Variants in SUCLG1 observed in about 807,000 individuals in gnomAD.
SUCLG1 encodes the protein succinate--CoA ligase [ADP/GDP-forming] subunit alpha, mitochondrial.
A neutral mutation model predicts 37.3 loss-of-function variants in SUCLG1; 26 were observed. The observed-to-expected ratio is 0.70, with a 90% CI of 0.51 to 0.97. The LOEUF is 0.97. Among genes scored for constraint, SUCLG1 ranks in the 50% least tolerant of loss-of-function variants. SUCLG1 has a pLI of 0.00. For missense variants in SUCLG1, 433 were observed against 432.9 expected, an observed-to-expected ratio of 1.00 and a Z score of 0.00; for synonymous variants, 163 against 155.6, an observed-to-expected ratio of 1.05 and a Z score of -0.36.
intron 5 of SUCLG1, among the ~76,000 whole-genome samples, chr2:84,439,362 G>C (rs1434879202): frequency 6.6e-6 from 1 of 152,136 alleles, no homozygotes; most frequent in East Asian, 1.9e-4. Context: ...GCAGTGATCA[G>C]AAAGGCAACT....
chr2:84,435,652 C>T (rs139461141), intron 5 of SUCLG1, among the ~76,000 whole-genome samples: 3 of 152,254 alleles, frequency 2.0e-5, no homozygotes, highest in Non-Finnish European at 2.9e-5. Flanking sequence ...ATGAGACATG[C>T]GAGGTGTATA....
intron 5 of SUCLG1, among the ~76,000 whole-genome samples, chr2:84,437,237 C>A (rs1672702041): frequency 1.3e-5 from 2 of 152,054 alleles, no homozygotes; most frequent in African/African-American, 4.8e-5. Flanking sequence ...TAGATACAAA[C>A]AAGATACTTT....
rs535687547 is a variant in SUCLG1, at chr2:84,451,356, G to C, written c.98-1604C>G. On this transcript the variant is annotated intron_variant, in intron 1 of 8. Coordinates refer to ENST00000393868, the MANE Select transcript of SUCLG1 (RefSeq NM_003849.4). ...ATTTGATTATAAGATCAGATGTTAT[G>C]ATCAGGATATCTGGAGTCCCTACTT... Among the ~76,000 whole-genome samples, 12 of 152,320 alleles carry C rather than the reference G, an allele frequency of 7.9e-5. No individual in the cohort carries two copies. The East Asian group carries it at 2.1e-3, about 27-fold the overall frequency.
chr2:84,438,180 G>C (rs1167887560), intron 5 of SUCLG1, among the ~76,000 whole-genome samples: 1 of 152,184 alleles, frequency 6.6e-6, no homozygotes. Context: ...TTATACTACA[G>C]TTTTGCAAGA....
intron 7 of SUCLG1, among the ~76,000 whole-genome samples, chr2:84,427,722 T>C (rs1672555748): frequency 2.0e-5 from 3 of 152,236 alleles, no homozygotes; most frequent in Admixed American, 6.5e-5. Flanking sequence ...GAGATCTGTC[T>C]GAATTACCAG....
At chr2:84,447,030 A>G (rs1175153368) in intron 2 of SUCLG1, among the ~76,000 whole-genome samples, 1 of 152,228 alleles carries the variant, frequency 6.6e-6, no homozygotes, top group Non-Finnish European at 1.5e-5. Context: ...CAGCCAGTAC[A>G]ATGTTAGGAA....
chr2:84,449,710 C>T lies in SUCLG1; in HGVS notation c.140G>A (p.Arg47Gln), dbSNP rs199806912. The change falls in exon 2 of 9, where the codon CGG becomes CAG. Residue 47 changes from arginine (R) to glutamine (Q), a missense_variant. By Grantham distance (43) the Arg-to-Gln change is conservative. Coordinates refer to ENST00000393868, the MANE Select transcript of SUCLG1 (RefSeq NM_003849.4). Reference sequence around the variant, plus strand: ...ATTTTTATCAACATAGAGATGTTGCCGAGAAGCTGTGTAGGAACAATGCCG... The same window carrying T: ...ATTTTTATCAACATAGAGATGTTGCTGAGAAGCTGTGTAGGAACAATGCCG... ...GIRHCSYTAS[R>Q]QHLYVDKNTK... The T allele has an allele frequency of 7.4e-5, 117 of 1,587,034 alleles. No individual in the cohort carries two copies. Among genetic ancestry groups the T allele is most frequent in the South Asian group, 1.7e-4 (15 of 88,002 alleles).
At position 84,433,309 on chromosome 2, in the gene SUCLG1, G is replaced by GAC. The variant is rs1390323080; in HGVS notation, c.673+41_673+42dup. 3.4e-6 allele frequency: 5 copies of GAC among 1,487,410 alleles called. No homozygotes were observed. In the East Asian group the frequency reaches 9.0e-5, roughly 27 times the overall value. 92.1% of individuals were successfully genotyped at this position (1,487,410 alleles called of 1,614,324 possible). ...ATTATTATTATACTCATCCAATGAA[G>GAC]ACACCACACTCCAATAAAATGATTT... On this transcript the variant is annotated intron_variant, in intron 6 of 8. Transcript: ENST00000393868.
intron 2 of SUCLG1, among the ~76,000 whole-genome samples, chr2:84,447,966 T>C (rs1198101855): frequency 1.3e-5 from 2 of 152,024 alleles, no homozygotes; most frequent in Admixed American, 1.3e-4. Flanking sequence ...TCCTGGGTTC[T>C]AGCAATCCTG....
intron 1 of SUCLG1, among the ~76,000 whole-genome samples, chr2:84,458,727 G>C (rs866845843): frequency 6.6e-6 from 1 of 152,118 alleles, no homozygotes; most frequent in Non-Finnish European, 1.5e-5. Flanking sequence ...TTCCGTACTA[G>C]GGACAGCCTC....
intron 7 of SUCLG1, among the ~76,000 whole-genome samples, chr2:84,429,751 A>G (rs142606062): frequency 1.1e-4 from 17 of 152,330 alleles, no homozygotes; most frequent in African/African-American, 4.1e-4. Flanking sequence ...ACACTGTCTG[A>G]TGTGAACCAA....
intron 8 of SUCLG1, among the ~76,000 whole-genome samples, chr2:84,425,080 A>G (rs566050664): frequency 6.6e-6 from 1 of 152,306 alleles, no homozygotes; most frequent in South Asian, 2.1e-4. Context: ...ACAAAACATA[A>G]AGCAGTTCTC....
intron 6 of SUCLG1, among the ~76,000 whole-genome samples, chr2:84,431,917 C>G (rs554381501): frequency 1.3e-5 from 2 of 152,076 alleles, no homozygotes; most frequent in African/African-American, 2.4e-5. Context: ...CGAAGACAAC[C>G]CTCTTTTTGT....
chr2:84,426,821 G>C (rs1672542264), intron 7 of SUCLG1: 1 of 152,172 alleles, frequency 6.6e-6, no homozygotes, highest in Non-Finnish European at 1.5e-5. Flanking sequence ...AGTGGAACCT[G>C]AGAGCTTTCA....
At chr2:84,447,260 G>C (rs1004072096) in intron 2 of SUCLG1, among the ~76,000 whole-genome samples, 5 of 151,968 alleles carry the variant, frequency 3.3e-5, no homozygotes, top group Non-Finnish European at 7.4e-5. Flanking sequence ...AAATGAATCT[G>C]AATCAACAAA....
chr2:84,449,059 C>A lies in SUCLG1; in HGVS notation c.201+590G>T, dbSNP rs187078326. Reference sequence around the variant, plus strand: ...ACTTACACAAAATCTATGAAAAGAACAGGAAAGAGTATGAGAGAATGAATA... The same window carrying A: ...ACTTACACAAAATCTATGAAAAGAAAAGGAAAGAGTATGAGAGAATGAATA... On this transcript the variant is annotated intron_variant, in intron 2 of 8. Coordinates refer to ENST00000393868, the MANE Select transcript of SUCLG1 (RefSeq NM_003849.4). 30 of 246,530 alleles carry A rather than the reference C, an allele frequency of 1.2e-4. No homozygotes were observed. The Middle Eastern group carries it at 6.2e-3, about 51-fold the overall frequency. The allele number at this position is 246,530 out of a possible 1,614,324, so 15.3% of individuals were successfully genotyped here.
rs1409204264 is a variant in SUCLG1 at position 84,433,517 on chromosome 2, C to T, written c.590-82G>A. 8 of 1,115,466 alleles carry T rather than the reference C, an allele frequency of 7.2e-6. No individual in the cohort carries two copies. The East Asian group carries it at 7.3e-5, about 10-fold the overall frequency. The allele number at this position is 1,115,466 out of a possible 1,614,324, so 69.1% of individuals were successfully genotyped here. A position where few individuals can be genotyped will look rare whatever the true frequency, so the allele number is the denominator to read the frequency against. Reference sequence around the variant, plus strand: ...TGGTAAACTAAATTACCAAACACTTCGAGTGACTAACATAGGTATAAAATT... The same window carrying T: ...TGGTAAACTAAATTACCAAACACTTTGAGTGACTAACATAGGTATAAAATT... On this transcript the variant is annotated intron_variant, in intron 5 of 8. Coordinates refer to ENST00000393868, the MANE Select transcript of SUCLG1 (RefSeq NM_003849.4).
Position 84,441,067 on chromosome 2 carries a change from A to C in SUCLG1, c.569T>G (p.Ile190Ser). Residue 190 changes from isoleucine to serine, a missense_variant, in exon 5 of 9, where the codon ATT becomes AGT. By Grantham distance (142) the Ile-to-Ser change is moderately radical (BLOSUM62 -2). Coordinates refer to ENST00000393868, the MANE Select transcript of SUCLG1 (RefSeq NM_003849.4). Reference protein sequence around the residue: ...ECKIGIMPGHIHKKGRIGIVS... With the variant: ...ECKIGIMPGHSHKKGRIGIVS... ...CTCACCAATCCTTCCTTTTTTGTGA[A>C]TATGGCCAGGCATGATGCCAATTTT... The C allele has an allele frequency of 6.2e-7, 1 of 1,614,098 alleles. No homozygotes were observed. Among genetic ancestry groups the C allele is most frequent in the Non-Finnish European group, 8.5e-7 (1 of 1,180,002 alleles).
At chr2:84,425,297 C>T in intron 8 of SUCLG1, 118 bp downstream of exon 8, 3 of 1,157,304 alleles carry the variant, frequency 2.6e-6, no homozygotes, top group Non-Finnish European at 3.8e-6. Flanking sequence ...TATTAAGCTG[C>T]ACATCAGAAA....
Sources: allele counts gnomAD v4.1 joint callset (sites outside exome capture counted in the v4.1 genomes callset), GRCh38; gene constraint gnomAD v4.1.1; transcripts MANE v1.5; gene names NCBI Gene and HGNC (gene_info 2026-07-23, HGNC 2026-07-21).